The following C11orf65 variants were observed in gnomAD, a reference collection of about 807,000 sequenced individuals.
C11orf65 encodes chromosome 11 open reading frame 65.
In C11orf65, 38 loss-of-function variants were observed where a neutral mutation model predicts 35.3. The ratio of observed to expected loss-of-function variants is 1.08; its 90% CI spans 0.83 to 1.41. C11orf65 has a LOEUF of 1.41. C11orf65 is among the 40% of genes most tolerant of loss of function. The probability of loss-of-function intolerance (pLI) is 0.00; values close to 1 mark genes in which losing one functional copy is unlikely to be tolerated. For synonymous variants in C11orf65, 105 were observed against 114.4 expected, an observed-to-expected ratio of 0.92 and a Z score of 0.53; for missense variants, 370 against 367.1, an observed-to-expected ratio of 1.01 and a Z score of -0.06.
intron 6 of C11orf65, among the ~76,000 whole-genome samples, chr11:108,310,891 T>C (rs1225601269): frequency 6.6e-6 from 1 of 152,162 alleles, no homozygotes; most frequent in Non-Finnish European, 1.5e-5. Context: ...TCCTAGATCA[T>C]GGGGAAGAAC....
chr11:108,434,394 A>T (rs560941732), intron 2 of C11orf65, among the ~76,000 whole-genome samples: 2 of 152,004 alleles, frequency 1.3e-5, no homozygotes, highest in East Asian at 3.9e-4. Context: ...AATCCCAGCT[A>T]CTCAGGAGGC....
intron 2 of C11orf65, among the ~76,000 whole-genome samples, chr11:108,349,918 G>A (rs1030741182): frequency 6.6e-6 from 1 of 152,154 alleles, no homozygotes; most frequent in Admixed American, 6.5e-5. Context: ...GAGAGAGAAG[G>A]AAAAGTGATG....
downstream of C11orf65, among the ~76,000 whole-genome samples, chr11:108,377,774 T>G (rs998595300): frequency 2.0e-5 from 3 of 151,766 alleles, no homozygotes; most frequent in Non-Finnish European, 4.4e-5. Flanking sequence ...ATAAGCAACT[T>G]CAGCAAAGTC....
At chr11:108,449,617 C>T (rs971029395) in intron 2 of C11orf65, among the ~76,000 whole-genome samples, 3 of 151,918 alleles carry the variant, frequency 2.0e-5, no homozygotes, top group Non-Finnish European at 2.9e-5. Flanking sequence ...CTTCCTTACA[C>T]CTGATACAAA....
intron 6 of C11orf65, among the ~76,000 whole-genome samples, chr11:108,394,738 G>A (rs1209063267): frequency 6.6e-6 from 1 of 152,190 alleles, no homozygotes; most frequent in African/African-American, 2.4e-5. Context: ...TATGGAGCAA[G>A]ACTCTGGTAT....
In C11orf65 at chr11:108,365,360, G is replaced by A. The variant is rs587781894; in HGVS notation, c.226+27848C>T. The A allele has an allele frequency of 5.6e-6, 9 of 1,614,000 alleles. No homozygotes were observed. The highest frequency in any genetic ancestry group is 2.2e-5 in the East Asian group (1 of 44,888). The stretch of plus-strand genomic sequence containing the variant: ...CAGAGTTTCAACAAAGTAGCTGAAC[G>A]TGTCTTAATGAGACTACAAGAGAAA... On this transcript the variant is annotated intron_variant, in intron 2 of 3. Transcript: ENST00000524755.
At chr11:108,416,544 G>A (rs780958630) in intron 3 of C11orf65, among the ~76,000 whole-genome samples, 2 of 152,186 alleles carry the variant, frequency 1.3e-5, no homozygotes, top group African/African-American at 2.4e-5. Context: ...TTAGACGGGC[G>A]TGATGGGGTG....
chr11:108,339,657 TGA>T (rs1483336175), intron 2 of C11orf65, among the ~76,000 whole-genome samples: 1 of 152,124 alleles, frequency 6.6e-6, no homozygotes, highest in African/African-American at 2.4e-5. Flanking sequence ...ACATCACAGT[TGA>T]GACTCTAAGC....
chr11:108,445,433 C>G (rs1480161378), intron 2 of C11orf65, among the ~76,000 whole-genome samples: 1 of 152,166 alleles, frequency 6.6e-6, no homozygotes, highest in Non-Finnish European at 1.5e-5. Flanking sequence ...CAGGCAGCAG[C>G]ATTTGCAGGT....
At chr11:108,394,460 T>C (rs1487723799) in intron 6 of C11orf65, among the ~76,000 whole-genome samples, 3 of 152,216 alleles carry the variant, frequency 2.0e-5, no homozygotes, top group African/African-American at 7.2e-5. Context: ...TAAATACTTA[T>C]GAGAGCCAGT....
intron 6 of C11orf65, among the ~76,000 whole-genome samples, chr11:108,316,359 T>C (rs899683742): frequency 7.1e-6 from 1 of 140,030 alleles, no homozygotes; most frequent in Admixed American, 7.0e-5. Flanking sequence ...TAGTGTAGAT[T>C]TCTTGATCAT....
chr11:108,421,669 C>T (rs575658105), intron 3 of C11orf65, among the ~76,000 whole-genome samples: 2 of 151,936 alleles, frequency 1.3e-5, no homozygotes, highest in Non-Finnish European at 2.9e-5. Flanking sequence ...AAAACAAAAA[C>T]AAACACACAC....
At chr11:108,369,342 G>A (rs652311) in intron 2 of C11orf65, among the ~76,000 whole-genome samples, 81,681 of 151,920 alleles carry the variant, frequency 0.54, 22,546 homozygotes, top group Middle Eastern at 0.74. Flanking sequence ...GCCTCCTGAC[G>A]AAAAGGCAAA....
At chr11:108,334,970 TG>T (rs1455772104) in intron 3 of C11orf65, 1 of 1,612,638 alleles carries the variant, frequency 6.2e-7, no homozygotes, top group East Asian at 2.2e-5. Flanking sequence ...TTTTATTAGG[TG>T]GACCACACAG....
At position 108,455,973 on chromosome 11, in the gene C11orf65, G is replaced by A. The variant is rs969118281; in HGVS notation, c.81+5506C>T. Among the ~76,000 whole-genome samples the A allele has an allele frequency of 1.3e-4, 20 of 151,632 alleles. 1 individual carries two copies. The highest frequency in any genetic ancestry group is 6.4e-3 in the Middle Eastern group (2 of 312). Reference sequence around the variant, plus strand: ...GTTAAGAGACCAGCACGGGCAACACGGCAAGACACCCCATCTACAAAAAGT... The same window carrying A: ...GTTAAGAGACCAGCACGGGCAACACAGCAAGACACCCCATCTACAAAAAGT... On this transcript the variant is annotated intron_variant, in intron 2 of 8. Transcript: ENST00000393084.
chr11:108,458,523 C>T (rs1378630233), intron 2 of C11orf65, among the ~76,000 whole-genome samples: 1 of 151,994 alleles, frequency 6.6e-6, no homozygotes, highest in Non-Finnish European at 1.5e-5. Flanking sequence ...ACTTGGGTGT[C>T]GTTTCCCCCA....
intron 2 of C11orf65, among the ~76,000 whole-genome samples, chr11:108,447,805 A>G (rs1481522382): frequency 6.6e-6 from 1 of 152,216 alleles, no homozygotes; most frequent in Non-Finnish European, 1.5e-5. Context: ...TGAAGGAAAT[A>G]GAGACACAAA....
intron 7 of C11orf65, among the ~76,000 whole-genome samples, chr11:108,391,508 A>G (rs924262110): frequency 6.6e-6 from 1 of 152,146 alleles, no homozygotes; most frequent in African/African-American, 2.4e-5. Context: ...GCCTCCTGAT[A>G]GCTGGGATTA....
upstream of C11orf65, among the ~76,000 whole-genome samples, chr11:108,468,572 G>A (rs1459439102): frequency 6.6e-6 from 1 of 152,166 alleles, no homozygotes; most frequent in Non-Finnish European, 1.5e-5. Flanking sequence ...AAATTTCCCT[G>A]TATAATGAAA....
Sources: gnomAD v4.1 joint callset for allele counts (sites outside exome capture counted in the v4.1 genomes callset) on GRCh38, gnomAD v4.1.1 for gene constraint, MANE v1.5 for transcripts, NCBI Gene and HGNC (gene_info 2026-07-23, HGNC 2026-07-21) for gene names.